Variants in CHN1 observed in about 807,000 individuals in gnomAD.
CHN1 encodes N-chimaerin.
CHN1 carries 37 observed loss-of-function variants against 59.5 expected under a neutral mutation model. The ratio of observed to expected loss-of-function variants is 0.62; its 90% CI spans 0.48 to 0.82. The LOEUF (loss-of-function observed/expected upper bound fraction) is 0.82. CHN1 is among the 40% of genes least tolerant of loss of function. The pLI is 0.00. For synonymous variants in CHN1, 206 were observed against 200.4 expected, an observed-to-expected ratio of 1.03 and a Z score of -0.24; for missense variants, 469 against 571.0, an observed-to-expected ratio of 0.82 and a Z score of 1.82.
Position 174,811,603 on chromosome 2 carries a change from T to C in CHN1, c.887-15A>G. ...AGAATTAAGACCTGAAAAATAAAACTAGTTAGTTTCTTTGAATTATGCCTT... is the reference window on the plus strand; with the variant it reads ...AGAATTAAGACCTGAAAAATAAAACCAGTTAGTTTCTTTGAATTATGCCTT... On this transcript the variant is annotated splice_polypyrimidine_tract_variant and intron_variant, in intron 9 of 12. Coordinates refer to ENST00000409900, the MANE Select transcript of CHN1 (RefSeq NM_001822.7). 4 of 1,543,840 alleles carry C rather than the reference T, an allele frequency of 2.6e-6. No individual in the cohort carries two copies. The highest frequency in any genetic ancestry group is 3.6e-6 in the Non-Finnish European group (4 of 1,126,554).
At chr2:174,896,966 T>C (rs1180991281) in intron 5 of CHN1, among the ~76,000 whole-genome samples, 1 of 152,148 alleles carries the variant, frequency 6.6e-6, no homozygotes, top group African/African-American at 2.4e-5. Flanking sequence ...ATAAATTTAG[T>C]GAAATAGCTT....
intron 1 of CHN1, among the ~76,000 whole-genome samples, chr2:174,968,131 C>T (rs1014719447): frequency 1.3e-5 from 2 of 152,170 alleles, no homozygotes; most frequent in African/African-American, 2.4e-5. Context: ...TAAACTAACG[C>T]TTACATGAAA....
Position 174,812,294 on chromosome 2 carries a change from C to T in CHN1, c.886+15G>A, listed in dbSNP as rs12613075. On this transcript the variant is annotated intron_variant, in intron 9 of 12. Coordinates refer to ENST00000409900, the MANE Select transcript of CHN1 (RefSeq NM_001822.7). Reference sequence around the variant, plus strand: ...TGAACGGAGACCACTGCAACCCGCACTGCAAATGGCTCACCTCTAGACTCA... The same window carrying T: ...TGAACGGAGACCACTGCAACCCGCATTGCAAATGGCTCACCTCTAGACTCA... The T allele has an allele frequency of 0.46, 738,603 of 1,596,542 alleles. 178,494 individuals are homozygous for T. Among genetic ancestry groups the T allele is most frequent in the Non-Finnish European group, 0.5 (578,887 of 1,168,362 alleles).
chr2:174,930,852 C>T (rs1193620), intron 3 of CHN1, among the ~76,000 whole-genome samples: 14,732 of 151,788 alleles, frequency 0.097, 1,545 homozygotes, highest in African/African-American at 0.26. Context: ...GCAAGCTCTG[C>T]CTCTTGGGTT....
intron 5 of CHN1, among the ~76,000 whole-genome samples, chr2:174,914,335 C>G (rs1444814887): frequency 1.3e-5 from 2 of 152,154 alleles, no homozygotes; most frequent in East Asian, 3.9e-4. Flanking sequence ...CTAAGTGAAG[C>G]TCAGCTGATA....
At chr2:174,945,175 A>G (rs1689787581) in intron 2 of CHN1, 4 of 524,144 alleles carry the variant, frequency 7.6e-6, no homozygotes, top group Non-Finnish European at 1.4e-5. Context: ...TTTACCTTAT[A>G]ACAAGTCAGT....
At chr2:174,944,857 C>A (rs1192871906) in intron 3 of CHN1, 31 bp downstream of exon 3, 2 of 1,537,892 alleles carry the variant, frequency 1.3e-6, no homozygotes, top group East Asian at 2.3e-5. Context: ...GGTTGAGAGA[C>A]ATTTTTTGGT....
At chr2:174,819,907 ATGCAG>A (rs938697941) in intron 8 of CHN1, among the ~76,000 whole-genome samples, 69 of 146,054 alleles carry the variant, frequency 4.7e-4, no homozygotes, top group South Asian at 2.6e-3. Flanking sequence ...GAGTGAGAAC[ATGCAG>A]TGTTTGGTTT....
intron 8 of CHN1, among the ~76,000 whole-genome samples, chr2:174,820,103 A>G (rs1334121145): frequency 6.6e-6 from 1 of 151,970 alleles, no homozygotes; most frequent in African/African-American, 2.4e-5. Context: ...ACTCTTTGCT[A>G]TTGTGAATAG....
At chr2:174,930,588 C>G (rs1057092850) in intron 3 of CHN1, among the ~76,000 whole-genome samples, 1 of 151,850 alleles carries the variant, frequency 6.6e-6, no homozygotes, top group East Asian at 1.9e-4. Flanking sequence ...AAAGGGAGGT[C>G]AACAAAGGAG....
At chr2:174,961,511 A>T (rs543777495) in intron 1 of CHN1, among the ~76,000 whole-genome samples, 1 of 152,048 alleles carries the variant, frequency 6.6e-6, no homozygotes, top group African/African-American at 2.4e-5. Flanking sequence ...GAATCGCTTG[A>T]ACCCGGGAGG....
At chr2:174,883,624 A>C (rs1046046227) in intron 5 of CHN1, among the ~76,000 whole-genome samples, 3 of 152,154 alleles carry the variant, frequency 2.0e-5, no homozygotes, top group African/African-American at 7.2e-5. Flanking sequence ...CTGACATCTG[A>C]GGAAAACTCC....
chr2:174,960,152 AAC>A (rs1448282328), intron 1 of CHN1, among the ~76,000 whole-genome samples: 1 of 152,254 alleles, frequency 6.6e-6, no homozygotes, highest in African/African-American at 2.4e-5. Context: ...ATGAGAGTGT[AAC>A]AGGTCATGCC....
intron 1 of CHN1, among the ~76,000 whole-genome samples, chr2:174,970,294 A>G (rs898101982): frequency 2.6e-5 from 4 of 152,224 alleles, no homozygotes; most frequent in African/African-American, 9.6e-5. Context: ...CTCCATTTTC[A>G]TAATAGTCAT....
chr2:174,904,678 G>A (rs1420600355), intron 5 of CHN1, among the ~76,000 whole-genome samples: 1 of 152,136 alleles, frequency 6.6e-6, no homozygotes, highest in Non-Finnish European at 1.5e-5. Flanking sequence ...ATGAGCCACC[G>A]TGCCCAGCCA....
intron 2 of CHN1, among the ~76,000 whole-genome samples, chr2:174,951,569 C>A (rs1214814381): frequency 6.6e-6 from 1 of 152,080 alleles, no homozygotes; most frequent in Non-Finnish European, 1.5e-5. Context: ...CTTTTAAAAT[C>A]TGAAATATCC....
At chr2:174,900,663 G>C (rs541607995) in intron 5 of CHN1, among the ~76,000 whole-genome samples, 7 of 152,204 alleles carry the variant, frequency 4.6e-5, no homozygotes, top group African/African-American at 1.7e-4. Context: ...AAATTAGCCG[G>C]GCGTGGTGAC....
chr2:174,983,284 T>TA (rs796875422), intron 1 of CHN1, among the ~76,000 whole-genome samples: 4 of 152,186 alleles, frequency 2.6e-5, no homozygotes, highest in South Asian at 2.1e-4. Flanking sequence ...ACTTTTGTTT[T>TA]AAAAAAAGTT....
chr2:174,820,842 AAAG>A (rs1208950894), intron 8 of CHN1, among the ~76,000 whole-genome samples: 2 of 152,196 alleles, frequency 1.3e-5, no homozygotes, highest in Non-Finnish European at 2.9e-5. Context: ...GATGTTTAAA[AAAG>A]GGCTGTGGCG....
Sources: gnomAD v4.1 joint callset for allele counts (sites outside exome capture counted in the v4.1 genomes callset) on GRCh38, gnomAD v4.1.1 for gene constraint, MANE v1.5 for transcripts, NCBI Gene and HGNC (gene_info 2026-07-23, HGNC 2026-07-21) for gene names.